Variants in YAF2 observed in about 807,000 individuals in gnomAD.
YAF2 encodes the protein YY1-associated factor 2.
In YAF2, 7 loss-of-function variants were observed where a neutral mutation model predicts 20.1. The ratio of observed to expected loss-of-function variants is 0.35; its 90% CI spans 0.20 to 0.65. The LOEUF (loss-of-function observed/expected upper bound fraction) is 0.65. Ranked by LOEUF, YAF2 falls within the 30% of genes least tolerant of loss-of-function variation. The pLI, the probability that YAF2 is intolerant of heterozygous loss-of-function variation, is 0.69. For missense variants in YAF2, 151 were observed against 219.2 expected, an observed-to-expected ratio of 0.69 and a Z score of 1.96; for synonymous variants, 74 against 76.0, an observed-to-expected ratio of 0.97 and a Z score of 0.14.
chr12:42,158,188 A>G lies in YAF2; in HGVS notation c.*2401T>C, dbSNP rs2136936811. ...AAGGCAGGTTGAGATACCTGTGATT[A>G]ATAAAAGTAAAATAATTTCAAGTCA... On this transcript the variant is annotated 3_prime_UTR_variant, in exon 4 of 4. Transcript: ENST00000534854. The G allele has an allele frequency of 6.6e-6, 1 of 152,284 alleles. No individual in the cohort carries two copies. Among genetic ancestry groups the G allele is most frequent in the Middle Eastern group, 3.4e-3 (1 of 294 alleles). 9.4% of individuals were successfully genotyped at this position (152,284 alleles called of 1,614,324 possible). A position where few individuals can be genotyped will look rare whatever the true frequency, so the allele number is the denominator to read the frequency against.
intron 2 of YAF2, among the ~76,000 whole-genome samples, chr12:42,208,107 T>C (rs1453891539): frequency 6.6e-6 from 1 of 152,096 alleles, no homozygotes; most frequent in Non-Finnish European, 1.5e-5. Flanking sequence ...ATAATAAATT[T>C]TTTAAAAAGA....
At chr12:42,236,850 T>G (rs762678828) in intron 2 of YAF2, among the ~76,000 whole-genome samples, 6 of 152,218 alleles carry the variant, frequency 3.9e-5, no homozygotes, top group South Asian at 4.1e-4. Flanking sequence ...TGCCACTGAC[T>G]GAATTTCCTG....
intron 2 of YAF2, among the ~76,000 whole-genome samples, chr12:42,193,141 C>A (rs754468149): frequency 6.6e-6 from 1 of 152,052 alleles, no homozygotes; most frequent in East Asian, 1.9e-4. Flanking sequence ...ATGGTGAAAC[C>A]CTGTCTCTCC....
At chr12:42,212,572 A>C in intron 2 of YAF2, 1 of 294,858 alleles carries the variant, frequency 3.4e-6, no homozygotes, top group Middle Eastern at 5.2e-4. Context: ...AAAACAAAAC[A>C]AACAAAAAAT....
At chr12:42,170,594 G>C (rs1272669134) in intron 2 of YAF2, among the ~76,000 whole-genome samples, 1 of 152,188 alleles carries the variant, frequency 6.6e-6, no homozygotes, top group Non-Finnish European at 1.5e-5. Context: ...CAGATCACTT[G>C]ATCCTAGGAG....
At chr12:42,178,583 T>C (rs1022633518) in intron 2 of YAF2, among the ~76,000 whole-genome samples, 3 of 152,136 alleles carry the variant, frequency 2.0e-5, no homozygotes, top group Non-Finnish European at 4.4e-5. Flanking sequence ...TATATAACTA[T>C]ATCATCAAAT....
chr12:42,169,386 A>G (rs1021789656), intron 2 of YAF2, among the ~76,000 whole-genome samples: 1 of 151,920 alleles, frequency 6.6e-6, no homozygotes, highest in African/African-American at 2.4e-5. Context: ...AGGTTACTTC[A>G]TGCTGTTCTT....
chr12:42,167,967 G>A (rs756037924), intron 2 of YAF2, among the ~76,000 whole-genome samples: 13 of 152,066 alleles, frequency 8.5e-5, no homozygotes, highest in Admixed American at 2.6e-4. Context: ...AGATTACTGG[G>A]TAAGCCAAAT....
At chr12:42,234,984 T>C in intron 2 of YAF2, 2 of 984,198 alleles carry the variant, frequency 2.0e-6, no homozygotes, top group Admixed American at 6.2e-5. Context: ...TGAGATCTTA[T>C]CTCAAAAAAG....
intron 2 of YAF2, among the ~76,000 whole-genome samples, chr12:42,216,202 C>T (rs1263260367): frequency 6.6e-6 from 1 of 152,100 alleles, no homozygotes; most frequent in Admixed American, 6.5e-5. Flanking sequence ...TATTAACCTC[C>T]TTTATTTAGT....
At chr12:42,229,598 T>C (rs1242694967) in intron 2 of YAF2, among the ~76,000 whole-genome samples, 1 of 152,208 alleles carries the variant, frequency 6.6e-6, no homozygotes, top group African/African-American at 2.4e-5. Flanking sequence ...CCATGCATCA[T>C]TTAATGACGG....
At chr12:42,198,535 G>A (rs2066814278) in intron 2 of YAF2, among the ~76,000 whole-genome samples, 1 of 152,186 alleles carries the variant, frequency 6.6e-6, no homozygotes, top group Non-Finnish European at 1.5e-5. Flanking sequence ...GCAGTGAGCT[G>A]AGATCGTACC....
At chr12:42,227,048 G>GCGACC (rs2067730596) in intron 2 of YAF2, among the ~76,000 whole-genome samples, 1 of 145,482 alleles carries the variant, frequency 6.9e-6, no homozygotes, top group African/African-American at 2.6e-5. Flanking sequence ...AGCCGCTGCC[G>GCGACC]CGACCGACCG....
At chr12:42,193,835 A>G (rs1264728194) in intron 2 of YAF2, among the ~76,000 whole-genome samples, 2 of 152,150 alleles carry the variant, frequency 1.3e-5, no homozygotes, top group Non-Finnish European at 2.9e-5. Flanking sequence ...TGACGGCTCC[A>G]TGCATGTTAT....
intron 2 of YAF2, among the ~76,000 whole-genome samples, chr12:42,229,419 AT>A (rs1472821354): frequency 2.1e-5 from 1 of 47,536 alleles, no homozygotes; most frequent in African/African-American, 7.9e-5. Flanking sequence ...AAAAAAATAA[AT>A]TAAAAAAAAA....
At chr12:42,175,803 G>A (rs902910916) in intron 2 of YAF2, among the ~76,000 whole-genome samples, 1 of 137,580 alleles carries the variant, frequency 7.3e-6, no homozygotes, top group East Asian at 2.2e-4. Flanking sequence ...CCACTTAAAT[G>A]AGGATCTGTA....
At chr12:42,179,590 G>A (rs2066287692) in intron 2 of YAF2, among the ~76,000 whole-genome samples, 1 of 151,960 alleles carries the variant, frequency 6.6e-6, no homozygotes, top group African/African-American at 2.4e-5. Flanking sequence ...AGGAGTTTGA[G>A]ACCAGCCTAG....
intron 2 of YAF2, among the ~76,000 whole-genome samples, chr12:42,211,743 A>C (rs1213025259): frequency 3.8e-5 from 5 of 131,070 alleles, no homozygotes; most frequent in African/African-American, 1.4e-4. Context: ...GACTCTGTCC[A>C]AAAAAAAAAA....
At chr12:42,167,333 T>A (rs2065939267) in intron 2 of YAF2, among the ~76,000 whole-genome samples, 1 of 152,208 alleles carries the variant, frequency 6.6e-6, no homozygotes, top group South Asian at 2.1e-4. Flanking sequence ...GTTCCTAGGA[T>A]GTAATAGCAA....
Sources: allele counts gnomAD v4.1 joint callset (sites outside exome capture counted in the v4.1 genomes callset), GRCh38; gene constraint gnomAD v4.1.1; transcripts MANE v1.5; gene names NCBI Gene and HGNC (gene_info 2026-07-23, HGNC 2026-07-21).